The following MAP3K1 variants were observed in gnomAD, a reference collection of about 807,000 sequenced individuals.
MAP3K1 encodes the protein MAP/ERK kinase kinase 1.
Under a neutral mutation model 144.2 loss-of-function variants are expected in MAP3K1, and 36 were observed. The ratio of observed to expected loss-of-function variants is 0.25; its 90% CI spans 0.19 to 0.33. The LOEUF is 0.33. Among genes scored for constraint, MAP3K1 ranks in the 10% least tolerant of loss-of-function variants. The pLI is 1.00. For synonymous variants in MAP3K1, 718 were observed against 688.7 expected, an observed-to-expected ratio of 1.04 and a Z score of -0.67; for missense variants, 1,650 against 1,881.9, an observed-to-expected ratio of 0.88 and a Z score of 2.28.
chr5:56,839,883 A>T (rs1746760113), intron 1 of MAP3K1, among the ~76,000 whole-genome samples: 1 of 126,382 alleles, frequency 7.9e-6, no homozygotes, highest in African/African-American at 3.0e-5. Context: ...CCTGAACTGG[A>T]ATAAGTGGGT....
intron 2 of MAP3K1, among the ~76,000 whole-genome samples, chr5:56,858,045 G>A (rs1432084478): frequency 6.6e-6 from 1 of 152,116 alleles, no homozygotes; most frequent in African/African-American, 2.4e-5. Flanking sequence ...TTAGCTATTC[G>A]TGCCAGAAGG....
intron 2 of MAP3K1, among the ~76,000 whole-genome samples, chr5:56,857,781 C>T (rs1275318913): frequency 1.3e-5 from 2 of 152,182 alleles, no homozygotes; most frequent in African/African-American, 4.8e-5. Flanking sequence ...TGACTCGTGT[C>T]TGACTTAAAT....
In MAP3K1 at chr5:56,887,633, C is replaced by T. The variant is rs143206098; in HGVS notation, c.4257+113C>T. On this transcript the variant is annotated intron_variant, in intron 18 of 19. Transcript: ENST00000399503. Reference sequence around the variant, plus strand: ...AGTATGTACTTACCAACTAGAAGTCCGTGGCCCTTAAAATACGGTTTTAAT... The same window carrying T: ...AGTATGTACTTACCAACTAGAAGTCTGTGGCCCTTAAAATACGGTTTTAAT... 1.1e-4 allele frequency: 125 copies of T among 1,132,170 alleles called. No homozygotes were observed. In the African/African-American group the frequency reaches 1.3e-3, roughly 11 times the overall value. The allele number at this position is 1,132,170 out of a possible 1,614,324, so 70.1% of individuals were successfully genotyped here. A position where few individuals can be genotyped will look rare whatever the true frequency, so the allele number is the denominator to read the frequency against.
intron 1 of MAP3K1, chr5:56,816,935 T>G: frequency 4.4e-6 from 1 of 226,408 alleles, no homozygotes; most frequent in Non-Finnish European, 7.3e-6. Context: ...GCCATTCAGT[T>G]TCAAAGCAGT....
In MAP3K1 at chr5:56,884,640, TGTGAACG is replaced by T. The variant is rs1748325546; in HGVS notation, c.3820-23_3820-17del. 2 of 1,612,708 alleles carry T rather than the reference TGTGAACG, an allele frequency of 1.2e-6. No homozygotes were observed. Among genetic ancestry groups the T allele is most frequent in the African/African-American group, 2.7e-5 (2 of 75,018 alleles). On this transcript the variant is annotated splice_polypyrimidine_tract_variant and intron_variant, in intron 15 of 19. Coordinates refer to ENST00000399503, the MANE Select transcript of MAP3K1 (RefSeq NM_005921.2). ...TTGCTAGTGAAAATATGCAAAACTT[TGTGAACG>T]TGTTTATTTGAAACAGGTGACTTAT...
At chr5:56,859,964 C>A in intron 3 of MAP3K1, 49 bp downstream of exon 3, 1 of 1,433,756 alleles carries the variant, frequency 7.0e-7, no homozygotes, top group Non-Finnish European at 9.6e-7. Context: ...TTTTTAGCTT[C>A]ATTTATAACA....
rs375220456 is a variant in MAP3K1, at chr5:56,884,647, G to C, written c.3820-17G>C. On this transcript the variant is annotated splice_polypyrimidine_tract_variant and intron_variant, in intron 15 of 19. Transcript: ENST00000399503. Reference sequence around the variant, plus strand: ...TGAAAATATGCAAAACTTTGTGAACGTGTTTATTTGAAACAGGTGACTTAT... The same window carrying C: ...TGAAAATATGCAAAACTTTGTGAACCTGTTTATTTGAAACAGGTGACTTAT... 1 of 1,612,726 alleles carries C rather than the reference G, an allele frequency of 6.2e-7. No individual in the cohort carries two copies. The highest frequency in any genetic ancestry group is 1.3e-5 in the African/African-American group (1 of 74,870).
chr5:56,872,659 G>C lies in MAP3K1; in HGVS notation c.1442G>C (p.Arg481Thr), dbSNP rs1747890009. Reference protein sequence around the residue: ...CMSIWAEECRRNREPLICPLC... With the variant: ...CMSIWAEECRTNREPLICPLC... The stretch of plus-strand genomic sequence containing the variant: ...TTTTCAGGGGCAGAAGAGTGTAGAA[G>C]AAATAGAGAACCTTTAATATGTCCC... The change falls in exon 8 of 20, where the codon AGA (arginine) becomes ACA (threonine). Residue 481 changes from arginine (R) to threonine (T), a missense_variant. Transcript: ENST00000399503. The C allele has an allele frequency of 1.2e-6, 2 of 1,604,462 alleles. No individual in the cohort carries two copies. The highest frequency in any genetic ancestry group is 8.5e-7 in the Non-Finnish European group (1 of 1,172,260).
rs1748229636 is a variant in MAP3K1, at chr5:56,882,042, A to G, written c.2842A>G (p.Thr948Ala). ...PSSSTTTTTT[T>A]TEQPKPMVQT... Reference sequence around the variant, plus strand: ...TAGTTCAACAACAACAACAACAACAACAACAGAGCAACCAAAGCCAATGGT... The same window carrying G: ...TAGTTCAACAACAACAACAACAACAGCAACAGAGCAACCAAAGCCAATGGT... The change falls in exon 14 of 20, where the codon ACA (threonine) becomes GCA (alanine). Residue 948 changes from threonine to alanine, a missense_variant. Thr to Ala is a moderately conservative substitution (Grantham distance 58). Transcript: ENST00000399503. The G allele has an allele frequency of 1.2e-6, 2 of 1,613,856 alleles. No homozygotes were observed. The highest frequency in any genetic ancestry group is 1.3e-5 in the African/African-American group (1 of 74,986).
chr5:56,864,590 G>A (rs1747619033), intron 3 of MAP3K1, 144 bp from the exon 4 acceptor site: 2 of 761,226 alleles, frequency 2.6e-6, no homozygotes, highest in East Asian at 2.7e-5. Context: ...AACCCGGATG[G>A]TCTGGATCTC....
rs1466086485 is a variant in MAP3K1, at chr5:56,893,631, C to T, written c.4490C>T (p.Pro1497Leu). ...TTAGAACTTCAACCTCAGGACAGACCTCCATCAAGAGAGCTACTGAAGCAT... is the reference window on the plus strand; with the variant it reads ...TTAGAACTTCAACCTCAGGACAGACTTCCATCAAGAGAGCTACTGAAGCAT... Reference protein sequence around the residue: ...RCLELQPQDRPPSRELLKHPV... With the variant: ...RCLELQPQDRLPSRELLKHPV... The change falls in exon 20 of 20, where the codon CCT becomes CTT. Residue 1497 changes from proline (P) to leucine (L), a missense_variant. Physicochemically the swap from Pro to Leu is moderately conservative, Grantham distance 98 (BLOSUM62 -3). Around this residue, in one of 6 missense-constraint regions of MAP3K1, gnomAD observed 165 missense variants for 322.9 expected, o/e 0.51. Coordinates refer to ENST00000399503, the MANE Select transcript of MAP3K1 (RefSeq NM_005921.2). 6.2e-7 allele frequency: 1 copy of T among 1,613,974 alleles called. No individual in the cohort carries two copies. Among genetic ancestry groups the T allele is most frequent in the Non-Finnish European group, 8.5e-7 (1 of 1,179,866 alleles).
chr5:56,817,234 C>T (rs1746005933), intron 1 of MAP3K1: 1 of 368,768 alleles, frequency 2.7e-6, no homozygotes, highest in Non-Finnish European at 3.8e-6. Flanking sequence ...TTTTTAAAAA[C>T]CTGATTAACG....
In MAP3K1 at chr5:56,885,932, G is replaced by C. The variant is rs2111957538; in HGVS notation, c.3983G>C (p.Gly1328Ala). 1 of 1,611,304 alleles carries C rather than the reference G, an allele frequency of 6.2e-7. No individual in the cohort carries two copies. ...NYNLFIEWMA[G>A]GSVAHLLSKY... ...GATAATTATTTCTATTGTCTTATAG[G>C]GGGATCGGTGGCTCATTTGCTGAGT... is the stretch of plus-strand genomic sequence containing the variant. Residue 1328 changes from glycine (G) to alanine (A), a missense_variant and splice_region_variant, in exon 17 of 20, where the codon GGG (glycine) becomes GCG (alanine). Gly to Ala is a moderately conservative substitution (Grantham distance 60). Coordinates refer to ENST00000399503, the MANE Select transcript of MAP3K1 (RefSeq NM_005921.2).
chr5:56,868,956 A>C (rs1747768188), intron 6 of MAP3K1, among the ~76,000 whole-genome samples: 1 of 152,200 alleles, frequency 6.6e-6, no homozygotes, highest in African/African-American at 2.4e-5. Context: ...CCAGTCACAA[A>C]AAGACAAATA....
intron 10 of MAP3K1, among the ~76,000 whole-genome samples, chr5:56,877,249 TC>T (rs1748061134): frequency 6.6e-6 from 1 of 152,224 alleles, no homozygotes; most frequent in African/African-American, 2.4e-5. Context: ...AATAAAATCC[TC>T]TTTTTGCTAG....
chr5:56,819,387 C>A (rs1746083240), intron 1 of MAP3K1, among the ~76,000 whole-genome samples: 1 of 151,862 alleles, frequency 6.6e-6, no homozygotes, highest in Non-Finnish European at 1.5e-5. Flanking sequence ...TGTCAACTTG[C>A]AGATTTCAAA....
At chr5:56,862,203 A>G (rs1004541025) in intron 3 of MAP3K1, 1 of 152,248 alleles carries the variant, frequency 6.6e-6, no homozygotes, top group Non-Finnish European at 1.5e-5. Flanking sequence ...ATACTGGAAC[A>G]CTTGGGGGGC....
intron 2 of MAP3K1, 49 bp downstream of exon 2, chr5:56,856,799 A>G (rs369906865): frequency 1.3e-6 from 2 of 1,592,934 alleles, no homozygotes; most frequent in African/African-American, 1.3e-5. Context: ...ATAGGAGGAA[A>G]TGGAAAAGTA....
chr5:56,873,133 C>A, intron 9 of MAP3K1, 128 bp downstream of exon 9: 1 of 836,018 alleles, frequency 1.2e-6, no homozygotes, highest in Non-Finnish European at 1.9e-6. Flanking sequence ...GACCTTCATT[C>A]CACTGGAAAT....
Sources: allele counts gnomAD v4.1 joint callset (sites outside exome capture counted in the v4.1 genomes callset), GRCh38; gene constraint gnomAD v4.1.1; regional missense constraint gnomAD v4.1.1; transcripts MANE v1.5; gene names NCBI Gene and HGNC (gene_info 2026-07-23, HGNC 2026-07-21).